NF2: variants seen among roughly 807,000 people sequenced by gnomAD.
NF2 encodes merlin.
NF2 carries 8 observed loss-of-function variants against 83.7 expected under a neutral mutation model. That is an observed-to-expected ratio of 0.10 (90% CI 0.06 to 0.17). NF2 has a LOEUF of 0.17. Among genes scored for constraint, NF2 ranks in the 10% least tolerant of loss-of-function variants. The pLI is 1.00. For synonymous variants in NF2, 266 were observed against 269.6 expected (o/e 0.99, Z 0.13); for missense variants, 533 against 744.4 (o/e 0.72, Z 3.31).
intron 1 of NF2, among the ~76,000 whole-genome samples, chr22:29,622,059 A>G (rs1187374951): frequency 6.6e-6 from 1 of 152,242 alleles, no homozygotes; most frequent in Non-Finnish European, 1.5e-5. Flanking sequence ...GAGAAGTAGG[A>G]GAGAAAAAGT....
At chr22:29,677,133 C>T (rs558428846) in intron 13 of NF2, among the ~76,000 whole-genome samples, 2 of 152,148 alleles carry the variant, frequency 1.3e-5, no homozygotes, top group Non-Finnish European at 2.9e-5. Flanking sequence ...AGATTGTTTG[C>T]AGGAAACTTG....
chr22:29,616,865 A>G (rs1472405729), intron 1 of NF2, among the ~76,000 whole-genome samples: 1 of 151,810 alleles, frequency 6.6e-6, no homozygotes, highest in African/African-American at 2.4e-5. Context: ...TTACTATTTG[A>G]TAGATGTTAG....
At chr22:29,608,797 G>T in intron 1 of NF2, 1 of 233,974 alleles carries the variant, frequency 4.3e-6, no homozygotes. Context: ...CACCAAAATT[G>T]ACCCAAGAAG....
chr22:29,698,252 T>G lies in NF2; in HGVS notation c.*3450T>G. The G allele has an allele frequency of 4.4e-6, 1 of 229,772 alleles. No individual in the cohort carries two copies. The highest frequency in any genetic ancestry group is 8.6e-6 in the Non-Finnish European group (1 of 115,792). The allele number at this position is 229,772 out of a possible 1,614,324, so 14.2% of individuals were successfully genotyped here. ...CATGAGTGGCTGTGTCTTGTAATTT[T>G]GGGGACAGGTTTCTCTCTTTCCCTC... On this transcript the variant is annotated 3_prime_UTR_variant, in exon 16 of 16. Transcript: ENST00000338641.
chr22:29,623,910 A>C (rs150686072), intron 1 of NF2, among the ~76,000 whole-genome samples: 1 of 152,152 alleles, frequency 6.6e-6, no homozygotes, highest in African/African-American at 2.4e-5. Context: ...TTAGCGTCTT[A>C]TTTTAGGTGA....
At chr22:29,683,326 T>C in intron 15 of NF2, 1 of 1,411,026 alleles carries the variant, frequency 7.1e-7, no homozygotes, top group East Asian at 2.6e-5. Context: ...ATTCTTCCCA[T>C]CTCGGGTCAT....
chr22:29,642,352 TTC>T, intron 4 of NF2, 67 bp downstream of exon 4: 1 of 1,283,436 alleles, frequency 7.8e-7, no homozygotes, highest in Non-Finnish European at 1.1e-6. Flanking sequence ...CACTCCTATC[TTC>T]TCTTTCTTTG....
chr22:29,618,925 C>T (rs1335868193), intron 1 of NF2, among the ~76,000 whole-genome samples: 1 of 152,164 alleles, frequency 6.6e-6, no homozygotes, highest in African/African-American at 2.4e-5. Context: ...TCCCTAGGAC[C>T]AGGCAAACCA....
chr22:29,673,617 C>T, intron 12 of NF2, 131 bp downstream of exon 12: 1 of 1,013,268 alleles, frequency 9.9e-7, no homozygotes, highest in Non-Finnish European at 1.5e-6. Flanking sequence ...GGGGAGGCTC[C>T]TCCTTGGCTG....
intron 1 of NF2, among the ~76,000 whole-genome samples, chr22:29,623,670 G>A (rs544628000): frequency 6.6e-6 from 1 of 152,306 alleles, no homozygotes; most frequent in South Asian, 2.1e-4. Flanking sequence ...CAGAAGGGAA[G>A]TTGGATCAAG....
intron 3 of NF2, among the ~76,000 whole-genome samples, chr22:29,639,859 G>C (rs1444415623): frequency 7.7e-6 from 1 of 129,164 alleles, no homozygotes; most frequent in Non-Finnish European, 1.6e-5. Context: ...TCCAGCTTGG[G>C]CAACAGAGTG....
intron 14 of NF2, among the ~76,000 whole-genome samples, chr22:29,680,206 G>C (rs1385134298): frequency 6.6e-6 from 1 of 151,856 alleles, no homozygotes; most frequent in African/African-American, 2.4e-5. Flanking sequence ...CCACCTCCTG[G>C]GTGCAAGCGA....
At chr22:29,668,487 G>A in intron 10 of NF2, 41 bp downstream of exon 10, 1 of 1,509,568 alleles carries the variant, frequency 6.6e-7, no homozygotes, top group Non-Finnish European at 9.2e-7. Flanking sequence ...TCACTGTGTG[G>A]TCAGTCCTGG....
At chr22:29,604,168 G>T in intron 1 of NF2, 56 bp downstream of exon 1, 1 of 1,398,458 alleles carries the variant, frequency 7.2e-7, no homozygotes, top group Non-Finnish European at 9.9e-7. Context: ...AAGCTCGAGA[G>T]GTTCTCTTTA....
At chr22:29,672,285 A>T (rs1318220700) in intron 11 of NF2, among the ~76,000 whole-genome samples, 1 of 148,668 alleles carries the variant, frequency 6.7e-6, no homozygotes, top group East Asian at 2.0e-4. Flanking sequence ...AATCCAAAAC[A>T]TCTTCAGACA....
chr22:29,604,015 C>A lies in NF2; in HGVS notation c.17C>A (p.Ala6Asp), dbSNP rs2064713500. Residue 6 changes from alanine (A) to aspartate (D), a missense_variant, in exon 1 of 16, where the codon GCT becomes GAT. Ala to Asp is a moderately radical substitution (Grantham distance 126). Coordinates refer to ENST00000338641, the MANE Select transcript of NF2 (RefSeq NM_000268.4). ...CCCCGCGCCATGGCCGGGGCCATCG[C>A]TTCCCGCATGAGCTTCAGCTCTCTC... The part of the protein sequence containing the change: MAGAI[A>D]SRMSFSSLKR... 1 of 1,591,264 alleles carries A rather than the reference C, an allele frequency of 6.3e-7. No individual in the cohort carries two copies.
chr22:29,654,546 G>A, intron 4 of NF2, 111 bp from the exon 5 acceptor site: 1 of 879,454 alleles, frequency 1.1e-6, no homozygotes. Flanking sequence ...CTTGTCATCG[G>A]AATTGAATTG....
chr22:29,686,758 T>C (rs1185655926), intron 15 of NF2, among the ~76,000 whole-genome samples: 1 of 152,266 alleles, frequency 6.6e-6, no homozygotes, highest in Admixed American at 6.5e-5. Context: ...ATTTCCATTT[T>C]TCCCAATTGA....
rs1013230338 is a variant in NF2, at chr22:29,603,713, A to G, written c.-286A>G. 1 of 449,706 alleles carries G rather than the reference A, an allele frequency of 2.2e-6. No individual in the cohort carries two copies. The highest frequency in any genetic ancestry group is 3.9e-6 in the Non-Finnish European group (1 of 255,688). The allele number at this position is 449,706 out of a possible 1,614,324, so 27.9% of individuals were successfully genotyped here. On this transcript the variant is annotated 5_prime_UTR_variant, in exon 1 of 16. Coordinates refer to ENST00000338641, the MANE Select transcript of NF2 (RefSeq NM_000268.4). The stretch of plus-strand genomic sequence containing the variant: ...GGTCCCGTCCCGAGGCGTCCCCGGC[A>G]TCTCCGGCCCGAATCCCGGAGTGCC...
Sources: gnomAD v4.1 joint callset for allele counts (sites outside exome capture counted in the v4.1 genomes callset) on GRCh38, gnomAD v4.1.1 for gene constraint, MANE v1.5 for transcripts, NCBI Gene and HGNC (gene_info 2026-07-23, HGNC 2026-07-21) for gene names.